The following PID1 variants were observed in gnomAD, a reference collection of about 807,000 sequenced individuals.
The protein encoded by PID1 is phosphotyrosine interaction domain containing 1, also known as PTB-containing, cubilin and LRP1-interacting protein.
In PID1, 10 loss-of-function variants were observed where a neutral mutation model predicts 19.1. The ratio of observed to expected loss-of-function variants is 0.52; its 90% CI spans 0.32 to 0.89. The LOEUF (loss-of-function observed/expected upper bound fraction) is 0.89, where lower values mean the gene tolerates loss of function less well. Ranked by LOEUF, PID1 falls within the 40% of genes least tolerant of loss-of-function variation. The pLI is 0.03. For synonymous variants in PID1, 130 were observed against 116.0 expected, an observed-to-expected ratio of 1.12 and a Z score of -0.78; for missense variants, 248 against 285.3, an observed-to-expected ratio of 0.87 and a Z score of 0.94.
intron 1 of PID1, among the ~76,000 whole-genome samples, chr2:229,264,935 T>C (rs1690553470): frequency 6.6e-6 from 1 of 152,290 alleles, no homozygotes; most frequent in Admixed American, 6.5e-5. Flanking sequence ...ACTCCATTCC[T>C]ACAGTGACCA....
At chr2:229,112,567 GT>G (rs1311198143) in intron 2 of PID1, among the ~76,000 whole-genome samples, 1 of 152,216 alleles carries the variant, frequency 6.6e-6, no homozygotes. Context: ...CTCACTGCAA[GT>G]TCTGCCTCCC....
intron 2 of PID1, among the ~76,000 whole-genome samples, chr2:229,090,402 A>G (rs1386623761): frequency 6.6e-6 from 1 of 152,202 alleles, no homozygotes; most frequent in African/African-American, 2.4e-5. Context: ...AAGTCATGGC[A>G]GGGGGAAGGG....
intron 1 of PID1, among the ~76,000 whole-genome samples, chr2:229,174,601 C>T (rs557038623): frequency 1.3e-5 from 2 of 151,928 alleles, no homozygotes; most frequent in African/African-American, 4.8e-5. Flanking sequence ...TTACCTCCCC[C>T]AACCCATAAA....
intron 2 of PID1, among the ~76,000 whole-genome samples, chr2:229,065,166 C>T (rs1004280951): frequency 5.9e-5 from 9 of 152,170 alleles, no homozygotes; most frequent in Non-Finnish European, 1.0e-4. Flanking sequence ...AGAAACTTTG[C>T]TTTCACTTTA....
chr2:229,172,457 G>A (rs1690729496), intron 1 of PID1, among the ~76,000 whole-genome samples: 1 of 152,164 alleles, frequency 6.6e-6, no homozygotes, highest in Non-Finnish European at 1.5e-5. Context: ...TTCTGGTGCT[G>A]CTGGCAACCT....
chr2:229,062,436 G>A (rs73099469), intron 2 of PID1, among the ~76,000 whole-genome samples: 10,608 of 151,838 alleles, frequency 0.07, 1,237 homozygotes, highest in African/African-American at 0.24. Flanking sequence ...GGAATACAAG[G>A]GATAAATCCT....
chr2:229,208,733 C>T (rs751590724), intron 1 of PID1, among the ~76,000 whole-genome samples: 6 of 152,074 alleles, frequency 3.9e-5, no homozygotes, highest in Non-Finnish European at 8.8e-5. Flanking sequence ...AGTTTCAAAG[C>T]AACATGTGTC....
chr2:229,107,144 G>A (rs1044194692), intron 2 of PID1, among the ~76,000 whole-genome samples: 1 of 152,156 alleles, frequency 6.6e-6, no homozygotes, highest in Non-Finnish European at 1.5e-5. Flanking sequence ...GAAGCTGGAA[G>A]AGGCAAAGAA....
intron 2 of PID1, among the ~76,000 whole-genome samples, chr2:229,081,316 G>A (rs1344393249): frequency 2.6e-5 from 4 of 152,106 alleles, no homozygotes; most frequent in Non-Finnish European, 5.9e-5. Flanking sequence ...TAAGAAGCTT[G>A]GACTCTTGCA....
At chr2:229,206,704 T>G (rs6754456) in intron 1 of PID1, among the ~76,000 whole-genome samples, 43,415 of 152,160 alleles carry the variant, frequency 0.29, 6,942 homozygotes, top group East Asian at 0.63. Context: ...CGTAGTTCTA[T>G]CTACAAACCA....
At chr2:229,043,721 C>T (rs115514712) in intron 2 of PID1, among the ~76,000 whole-genome samples, 2,129 of 152,260 alleles carry the variant, frequency 0.014, 32 homozygotes, top group Non-Finnish European at 0.018. Context: ...ACTAGCAGGG[C>T]AAAGCAGGCA....
intron 2 of PID1, among the ~76,000 whole-genome samples, chr2:229,043,060 C>T (rs1693805589): frequency 6.7e-6 from 1 of 150,204 alleles, no homozygotes; most frequent in South Asian, 2.1e-4. Flanking sequence ...GGCTGAAGTG[C>T]AGTGGAGCGA....
intron 2 of PID1, among the ~76,000 whole-genome samples, chr2:229,149,125 T>G (rs942380668): frequency 6.6e-6 from 1 of 151,782 alleles, no homozygotes; most frequent in Non-Finnish European, 1.5e-5. Flanking sequence ...AAACTTACTT[T>G]GCAAAAGAAA....
intron 2 of PID1, among the ~76,000 whole-genome samples, chr2:229,080,570 A>G (rs1244021425): frequency 6.6e-6 from 1 of 152,110 alleles, no homozygotes; most frequent in Non-Finnish European, 1.5e-5. Context: ...TCATATATGC[A>G]CCAATTAGAG....
chr2:229,073,024 A>T (rs1323484336), intron 2 of PID1, among the ~76,000 whole-genome samples: 2 of 152,000 alleles, frequency 1.3e-5, no homozygotes, highest in Non-Finnish European at 2.9e-5. Context: ...AATTGCTGCC[A>T]TTTATTTATT....
chr2:229,154,942 A>G (rs1351841515), intron 2 of PID1, among the ~76,000 whole-genome samples: 1 of 152,158 alleles, frequency 6.6e-6, no homozygotes, highest in Non-Finnish European at 1.5e-5. Flanking sequence ...AAAATTATAC[A>G]TTTCATTTCT....
At chr2:229,215,450 G>A (rs1470197667) in intron 1 of PID1, among the ~76,000 whole-genome samples, 4 of 152,084 alleles carry the variant, frequency 2.6e-5, no homozygotes, top group African/African-American at 9.7e-5. Context: ...TTATCTTTTG[G>A]TGCTGTTTAG....
chr2:229,068,031 AC>A (rs2106199234), intron 2 of PID1, among the ~76,000 whole-genome samples: 1 of 152,274 alleles, frequency 6.6e-6, no homozygotes, highest in African/African-American at 2.4e-5. Context: ...CTCTGTCTGC[AC>A]TCAGTACATT....
intron 2 of PID1, among the ~76,000 whole-genome samples, chr2:229,067,728 T>G (rs1322670292): frequency 6.6e-6 from 1 of 152,312 alleles, no homozygotes; most frequent in East Asian, 1.9e-4. Context: ...AAATAAGACC[T>G]TCCTTAGCCC....
Sources: allele counts gnomAD v4.1 joint callset (sites outside exome capture counted in the v4.1 genomes callset), GRCh38; gene constraint gnomAD v4.1.1; transcripts MANE v1.5; gene names NCBI Gene and HGNC (gene_info 2026-07-23, HGNC 2026-07-21).